Variants in PCDH9 observed in about 807,000 individuals in gnomAD.
The protein encoded by PCDH9 is protocadherin-9.
A neutral mutation model predicts 70.6 loss-of-function variants in PCDH9; 24 were observed. The observed-to-expected ratio is 0.34, with a 90% confidence interval of 0.25 to 0.48. The LOEUF (loss-of-function observed/expected upper bound fraction) is 0.48. Ranked by LOEUF, PCDH9 falls within the 20% of genes least tolerant of loss-of-function variation. PCDH9 has a pLI of 0.99. For synonymous variants in PCDH9, 562 were observed against 558.5 expected, an observed-to-expected ratio of 1.01 and a Z score of -0.09; for missense variants, 1,281 against 1,503.6, an observed-to-expected ratio of 0.85 and a Z score of 2.45.
intron 3 of PCDH9, among the ~76,000 whole-genome samples, chr13:66,883,571 A>C (rs981325105): frequency 6.6e-6 from 1 of 152,214 alleles, no homozygotes; most frequent in Non-Finnish European, 1.5e-5. Flanking sequence ...TAATGGTTCT[A>C]AGCACAACCA....
At chr13:66,374,814 T>A (rs1241168962) in intron 4 of PCDH9, among the ~76,000 whole-genome samples, 1 of 152,040 alleles carries the variant, frequency 6.6e-6, no homozygotes, top group Non-Finnish European at 1.5e-5. Flanking sequence ...CAGAATATAT[T>A]CCTTTGTTGA....
At chr13:66,448,574 G>GTCTT (rs1958143344) in intron 4 of PCDH9, among the ~76,000 whole-genome samples, 1 of 152,168 alleles carries the variant, frequency 6.6e-6, no homozygotes. Flanking sequence ...ATACAGACCT[G>GTCTT]TCTTTATAAC....
intron 4 of PCDH9, among the ~76,000 whole-genome samples, chr13:66,627,234 T>C (rs2077510960): frequency 6.6e-6 from 1 of 152,146 alleles, no homozygotes; most frequent in South Asian, 2.1e-4. Flanking sequence ...CTATTTTACC[T>C]GCTATAAAAT....
intron 3 of PCDH9, among the ~76,000 whole-genome samples, chr13:66,887,173 C>T (rs2082020620): frequency 6.6e-6 from 1 of 151,598 alleles, no homozygotes; most frequent in Non-Finnish European, 1.5e-5. Flanking sequence ...ACCGCATCAC[C>T]AAGTTCACAT....
At chr13:67,213,240 A>AAAAAAAAAAAT (rs1593630525) in intron 2 of PCDH9, 4 of 59,100 alleles carry the variant, frequency 6.8e-5, no homozygotes, top group African/African-American at 1.1e-4. Context: ...AAAAAAAAAG[A>AAAAAAAAAAAT]AAAAAAAAAG....
At chr13:66,551,869 A>G (rs1391800245) in intron 4 of PCDH9, among the ~76,000 whole-genome samples, 1 of 152,086 alleles carries the variant, frequency 6.6e-6, no homozygotes, top group East Asian at 1.9e-4. Context: ...TTGCTTGTTC[A>G]TTTTTTCAAA....
intron 2 of PCDH9, among the ~76,000 whole-genome samples, chr13:67,126,752 AG>A (rs1317569741): frequency 1.3e-5 from 2 of 152,168 alleles, no homozygotes; most frequent in Non-Finnish European, 2.9e-5. Context: ...TGGGAGGCTG[AG>A]GTGGGAGAAT....
intron 3 of PCDH9, among the ~76,000 whole-genome samples, chr13:66,655,868 T>A (rs959010380): frequency 6.6e-6 from 1 of 152,202 alleles, no homozygotes; most frequent in South Asian, 2.1e-4. Context: ...CTGTTCTAGC[T>A]ACAAGAAATG....
At chr13:67,154,595 A>ATAC (rs1206022574) in intron 2 of PCDH9, among the ~76,000 whole-genome samples, 2,601 of 89,002 alleles carry the variant, frequency 0.029, 287 homozygotes, top group Admixed American at 0.12. Flanking sequence ...AAAAAAAAAA[A>ATAC]ATATATATAT....
At position 66,926,851 on chromosome 13, in the gene PCDH9, C is replaced by CA. The variant is rs139736542; in HGVS notation, c.3037-23247dup. ...CATTCTTTTAGGGGTGATAGATACA[C>CA]AAAAAAATCAGTGAAGCATGACATA... On this transcript the variant is annotated intron_variant, in intron 2 of 4. Coordinates refer to ENST00000377865, the MANE Select transcript of PCDH9 (RefSeq NM_203487.3). 3.3e-5 allele frequency among the ~76,000 whole-genome samples: 5 copies of CA among 151,812 alleles called. No homozygotes were observed. The South Asian group carries it at 6.2e-4, about 19-fold the overall frequency.
At chr13:67,152,431 A>G (rs532874350) in intron 2 of PCDH9, among the ~76,000 whole-genome samples, 4 of 152,330 alleles carry the variant, frequency 2.6e-5, no homozygotes, top group African/African-American at 9.6e-5. Context: ...AGATTTTTCA[A>G]CCTAAATCTC....
In PCDH9 at chr13:66,436,319, G is replaced by A. The variant is rs1957867486; in HGVS notation, c.3341-131291C>T. 3.3e-5 allele frequency among the ~76,000 whole-genome samples: 5 copies of A among 152,146 alleles called. No homozygotes were observed. In the South Asian group the frequency reaches 1.0e-3, roughly 32 times the overall value. ...GCCATTCTACCTTCTGCCTTGTGAAGACACAGCAAGAAACACCTCTCCAGA... is the reference window on the plus strand; with the variant it reads ...GCCATTCTACCTTCTGCCTTGTGAAAACACAGCAAGAAACACCTCTCCAGA... On this transcript the variant is annotated intron_variant, in intron 4 of 4. Coordinates refer to ENST00000377865, the MANE Select transcript of PCDH9 (RefSeq NM_203487.3).
At chr13:66,935,993 G>C (rs1411736224) in intron 2 of PCDH9, among the ~76,000 whole-genome samples, 1 of 152,182 alleles carries the variant, frequency 6.6e-6, no homozygotes, top group South Asian at 2.1e-4. Context: ...GCTGAGGCAG[G>C]AGGATCGTTG....
At chr13:67,004,071 T>A (rs1052047542) in intron 2 of PCDH9, among the ~76,000 whole-genome samples, 1 of 152,170 alleles carries the variant, frequency 6.6e-6, no homozygotes, top group Middle Eastern at 3.4e-3. Flanking sequence ...ATCCCTATTA[T>A]GTAGTGTGGT....
At chr13:67,209,118 C>T (rs2089418061) in intron 2 of PCDH9, 1 of 152,068 alleles carries the variant, frequency 6.6e-6, no homozygotes, top group South Asian at 2.1e-4. Context: ...CAATGTATTA[C>T]AAGAGCAGAA....
chr13:66,565,803 G>A (rs1394328371), intron 4 of PCDH9, among the ~76,000 whole-genome samples: 1 of 152,090 alleles, frequency 6.6e-6, no homozygotes, highest in Admixed American at 6.6e-5. Flanking sequence ...TGGTCTGTTA[G>A]GATATAAATA....
At chr13:67,018,724 C>T (rs1334355349) in intron 2 of PCDH9, among the ~76,000 whole-genome samples, 1 of 151,596 alleles carries the variant, frequency 6.6e-6, no homozygotes, top group Non-Finnish European at 1.5e-5. Context: ...AAACAAAAAA[C>T]TATGGGTCAT....
rs1960111969 is a variant in PCDH9 at position 66,524,063 on chromosome 13, T to C, written c.3340+107147A>G. Among the ~76,000 whole-genome samples the C allele has an allele frequency of 2.0e-5, 3 of 151,948 alleles. No homozygotes were observed. The Admixed American group carries it at 2.0e-4, about 10-fold the overall frequency. ...CCCTCAGATGGAGAAGTGAGGGAAA[T>C]AAATAAATAGTGGGAATGGGCTTTA... On this transcript the variant is annotated intron_variant, in intron 4 of 4. Coordinates refer to ENST00000377865, the MANE Select transcript of PCDH9 (RefSeq NM_203487.3).
intron 3 of PCDH9, among the ~76,000 whole-genome samples, chr13:66,715,434 A>G (rs2078855537): frequency 6.6e-6 from 1 of 152,168 alleles, no homozygotes; most frequent in African/African-American, 2.4e-5. Flanking sequence ...TAAGAAGATC[A>G]TGCAATAATG....
Sources: allele counts gnomAD v4.1 joint callset (sites outside exome capture counted in the v4.1 genomes callset), GRCh38; gene constraint gnomAD v4.1.1; transcripts MANE v1.5; gene names NCBI Gene and HGNC (gene_info 2026-07-23, HGNC 2026-07-21).